The following BRCA1 variants were observed in gnomAD, a reference collection of about 807,000 sequenced individuals.
The protein encoded by BRCA1 is BRCA1 DNA repair associated.
A neutral mutation model predicts 173.7 loss-of-function variants in BRCA1; 140 were observed. That is an observed-to-expected ratio of 0.81 (90% confidence interval 0.70 to 0.93). BRCA1 has a LOEUF of 0.93. BRCA1 is among the 40% of genes least tolerant of loss of function. BRCA1 has a pLI of 0.00. For synonymous variants in BRCA1, 662 were observed against 756.0 expected (o/e 0.88, Z 2.04); for missense variants, 1,983 against 2,172.5 (o/e 0.91, Z 1.73).
intron 19 of BRCA1, among the ~76,000 whole-genome samples, chr17:43,056,174 CTTT>C (rs398058724): frequency 7.1e-6 from 1 of 139,894 alleles, no homozygotes. Context: ...ATAAAGTGAT[CTTT>C]TTTTTTTTTT....
rs878854947 is a variant in BRCA1 at position 43,104,233 on chromosome 17, C to T, written c.330G>A (p.Lys110=). ...TTAGATGTTCAGGAGAGTTATTTTC[C>T]TTTTTTGCAAAATTATAGCTGTTTG... The part of the protein sequence containing the change: ...EYANSYNFAK[K]ENNSPEHLKD... Residue 110 remains lysine (K), a synonymous_variant, in exon 6 of 23, where the codon AAG becomes AAA. Transcript: ENST00000357654. 6.2e-7 allele frequency: 1 copy of T among 1,612,236 alleles called. No homozygotes were observed. The highest frequency in any genetic ancestry group is 1.3e-5 in the African/African-American group (1 of 74,818).
In BRCA1 at chr17:43,067,711, A is replaced by G. The variant is rs773821829; in HGVS notation, c.4987-16T>C. ...ACACGAGCATCTGAAATTAAATCAA[A>G]TATTCCATTATCATGAGTTACCTCT... is the stretch of plus-strand genomic sequence containing the variant. On this transcript the variant is annotated splice_polypyrimidine_tract_variant and intron_variant, in intron 15 of 22. Coordinates refer to ENST00000357654, the MANE Select transcript of BRCA1 (RefSeq NM_007294.4). 2.5e-6 allele frequency: 4 copies of G among 1,591,708 alleles called. No homozygotes were observed. Among genetic ancestry groups the G allele is most frequent in the Non-Finnish European group, 3.4e-6 (4 of 1,159,872 alleles).
intron 19 of BRCA1, among the ~76,000 whole-genome samples, chr17:43,056,190 T>TC (rs1207095525): frequency 1.3e-5 from 2 of 151,036 alleles, no homozygotes; most frequent in African/African-American, 4.9e-5. Context: ...TTTTTTTTTT[T>TC]CTTTTGAGAT....
intron 14 of BRCA1, among the ~76,000 whole-genome samples, chr17:43,072,817 GC>G (rs2052513355): frequency 6.6e-6 from 1 of 151,380 alleles, no homozygotes; most frequent in South Asian, 2.1e-4. Context: ...GCCCGCCTCG[GC>G]CTCCCAAAGT....
chr17:43,069,908 A>G (rs1171986330), intron 15 of BRCA1, among the ~76,000 whole-genome samples: 2 of 152,122 alleles, frequency 1.3e-5, no homozygotes, highest in Non-Finnish European at 2.9e-5. Flanking sequence ...TTATCTCATC[A>G]TAGTTTTAAA....
intron 1 of BRCA1, among the ~76,000 whole-genome samples, chr17:43,143,054 GTA>G (rs967043655): frequency 1.3e-4 from 20 of 148,612 alleles, no homozygotes; most frequent in African/African-American, 3.5e-4. Flanking sequence ...GTATATATGT[GTA>G]TATATATATG....
intron 11 of BRCA1, among the ~76,000 whole-genome samples, chr17:43,089,616 C>G (rs1392066321): frequency 2.0e-5 from 3 of 150,022 alleles, no homozygotes; most frequent in African/African-American, 4.9e-5. Context: ...AGCATGATCT[C>G]AGCTCACTGC....
Position 43,100,629 on chromosome 17 carries a change from ATG to A in BRCA1, c.442-751_442-750del, listed in dbSNP as rs1491587915. On this transcript the variant is annotated intron_variant, in intron 6 of 22. Transcript: ENST00000357654. ...TATAACATATATATAACATATATATATGTTATATATATATAACATATATATAA... is the reference window on the plus strand; with the variant it reads ...TATAACATATATATAACATATATATATTATATATATATAACATATATATAA... 4.0e-3 allele frequency among the ~76,000 whole-genome samples: 267 copies of A among 66,952 alleles called. 4 individuals are homozygous for A. Among genetic ancestry groups the A allele is most frequent in the African/African-American group, 0.016 (183 of 11,510 alleles). The allele number at this position is 66,952 out of a possible 152,430, so 43.9% of individuals were successfully genotyped here.
chr17:43,165,349 G>C (rs1317164103), intron 1 of BRCA1, among the ~76,000 whole-genome samples: 1 of 152,094 alleles, frequency 6.6e-6, no homozygotes, highest in Non-Finnish European at 1.5e-5. Context: ...TTAACATTTT[G>C]AAACTTGCTT....
intron 19 of BRCA1, among the ~76,000 whole-genome samples, chr17:43,055,057 T>C (rs1038098806): frequency 1.3e-5 from 2 of 151,950 alleles, no homozygotes; most frequent in African/African-American, 2.4e-5. Flanking sequence ...GCCTGGGATG[T>C]TCTGAAATGC....
intron 1 of BRCA1, among the ~76,000 whole-genome samples, chr17:43,134,642 T>C (rs1036318350): frequency 2.6e-5 from 4 of 152,056 alleles, no homozygotes; most frequent in African/African-American, 9.7e-5. Context: ...ACCAAGAAAA[T>C]AGTTGTCTCT....
At chr17:43,073,142 G>A (rs187507971) in intron 14 of BRCA1, among the ~76,000 whole-genome samples, 144 of 151,926 alleles carry the variant, frequency 9.5e-4, no homozygotes, top group Middle Eastern at 3.4e-3. Flanking sequence ...GACCAGCCTC[G>A]GCAACATAAC....
rs981178459 is a variant in BRCA1 at position 43,124,224 on chromosome 17, T to C, written c.-19-109A>G. On this transcript the variant is annotated intron_variant, in intron 1 of 22. Coordinates refer to ENST00000357654, the MANE Select transcript of BRCA1 (RefSeq NM_007294.4). Reference sequence around the variant, plus strand: ...AGTAAATTTAAGATTTGGAAGGTTTTAGAATAATACAAACCAAAGAACTAA... The same window carrying C: ...AGTAAATTTAAGATTTGGAAGGTTTCAGAATAATACAAACCAAAGAACTAA... The C allele has an allele frequency of 1.4e-5, 10 of 725,852 alleles. No individual in the cohort carries two copies. The highest frequency in any genetic ancestry group is 7.6e-4 in the Middle Eastern group (2 of 2,638). The allele number at this position is 725,852 out of a possible 1,614,324, so 45.0% of individuals were successfully genotyped here.
At chr17:43,084,793 A>G (rs1367777868) in intron 11 of BRCA1, among the ~76,000 whole-genome samples, 5 of 152,160 alleles carry the variant, frequency 3.3e-5, no homozygotes, top group Non-Finnish European at 5.9e-5. Context: ...ATCACTGATC[A>G]AACCCTAGCC....
At position 43,106,929 on chromosome 17, in the gene BRCA1, T is replaced by C. The variant is rs799913; in HGVS notation, c.135-396A>G. Among the ~76,000 whole-genome samples, 17,659 of 152,182 alleles carry C rather than the reference T, an allele frequency of 0.12. 2,712 individuals carry two copies. The highest frequency in any genetic ancestry group is 0.35 in the African/African-American group (14,666 of 41,496). ...ATCTCAACACCTCACCACAAAGCTATAGTAATCAAGAAAGTGTGGTAATAG... is the reference window on the plus strand; with the variant it reads ...ATCTCAACACCTCACCACAAAGCTACAGTAATCAAGAAAGTGTGGTAATAG... On this transcript the variant is annotated intron_variant, in intron 3 of 22. Coordinates refer to ENST00000357654, the MANE Select transcript of BRCA1 (RefSeq NM_007294.4).
chr17:43,156,695 G>T (rs531529508), intron 1 of BRCA1, among the ~76,000 whole-genome samples: 1 of 152,126 alleles, frequency 6.6e-6, no homozygotes, highest in African/African-American at 2.4e-5. Context: ...AAGAAAAATT[G>T]GATTCAGTTA....
intron 1 of BRCA1, chr17:43,164,074 G>C (rs1192026293): frequency 6.6e-6 from 1 of 152,236 alleles, no homozygotes; most frequent in African/African-American, 2.4e-5. Context: ...AATTGCTTTT[G>C]TTTAACGTGC....
At chr17:43,126,336 G>GA (rs891933806), upstream of BRCA1, among the ~76,000 whole-genome samples, 1 of 152,230 alleles carries the variant, frequency 6.6e-6, no homozygotes, top group African/African-American at 2.4e-5. Flanking sequence ...AAAACGCGGA[G>GA]AAACGGGACT....
At chr17:43,096,803 G>A (rs1005006932) in intron 8 of BRCA1, among the ~76,000 whole-genome samples, 2 of 152,182 alleles carry the variant, frequency 1.3e-5, no homozygotes, top group African/African-American at 4.8e-5. Context: ...AGAACAATCT[G>A]CTAGAAGCAA....
Sources: gnomAD v4.1 joint callset for allele counts (sites outside exome capture counted in the v4.1 genomes callset) on GRCh38, gnomAD v4.1.1 for gene constraint, MANE v1.5 for transcripts, NCBI Gene and HGNC (gene_info 2026-07-23, HGNC 2026-07-21) for gene names.